CPVL: variants seen among roughly 807,000 people sequenced by gnomAD.
CPVL encodes the protein carboxypeptidase vitellogenic like.
Under a neutral mutation model 63.7 loss-of-function variants are expected in CPVL, and 51 were observed. The observed-to-expected ratio is 0.80, with a 90% CI of 0.64 to 1.01. CPVL has a LOEUF of 1.01. Ranked by LOEUF, CPVL falls within the 50% of genes least tolerant of loss-of-function variation. The pLI is 0.00. For missense variants in CPVL, 530 were observed against 573.1 expected (o/e 0.92, Z 0.77); for synonymous variants, 195 against 206.0 (o/e 0.95, Z 0.46).
At chr7:29,087,930 C>T (rs1422852685) in intron 6 of CPVL, among the ~76,000 whole-genome samples, 1 of 152,170 alleles carries the variant, frequency 6.6e-6, no homozygotes, top group East Asian at 1.9e-4. Flanking sequence ...TTTATAGCTT[C>T]TATGTTTGTG....
In CPVL at chr7:29,066,086, A is replaced by G. The variant is rs1783109880; in HGVS notation, c.900T>C (p.Ser300=). 1.2e-6 allele frequency: 2 copies of G among 1,607,222 alleles called. No individual in the cohort carries two copies. The highest frequency in any genetic ancestry group is 1.7e-5 in the Admixed American group (1 of 59,424). The change falls in exon 10 of 13, where the codon AGT becomes AGC. Residue 300 remains serine (S), a synonymous_variant. Transcript: ENST00000265394. ...TAACATTCTGGAAGTAAGAAGGATC[A>G]CTTGTTAAGTCGCCATCTAGTAGTT... The part of the protein sequence containing the change: ...LDKLLDGDLT[S]DPSYFQNVTG...
intron 11 of CPVL, among the ~76,000 whole-genome samples, chr7:29,053,061 T>G (rs1790364783): frequency 6.6e-6 from 1 of 152,236 alleles, no homozygotes; most frequent in Non-Finnish European, 1.5e-5. Context: ...TAGAAAGATG[T>G]TCATCGTTCA....
At chr7:29,095,204 T>G in intron 4 of CPVL, 62 bp from the exon 5 acceptor site, 2 of 1,394,874 alleles carry the variant, frequency 1.4e-6, no homozygotes, top group Non-Finnish European at 2.0e-6. Context: ...CGAGGCCTCA[T>G]GGTGGTCAGA....
chr7:29,171,781 A>C (rs747046168), intron 5 of CPVL, among the ~76,000 whole-genome samples: 3 of 152,198 alleles, frequency 2.0e-5, no homozygotes, highest in Non-Finnish European at 4.4e-5. Flanking sequence ...CATGCCTATC[A>C]AATCCATCTA....
At chr7:29,157,690 G>A (rs1794600259) in intron 5 of CPVL, among the ~76,000 whole-genome samples, 1 of 152,158 alleles carries the variant, frequency 6.6e-6, no homozygotes, top group Non-Finnish European at 1.5e-5. Context: ...CCCTTCACCA[G>A]TGAAAAGCCA....
intron 9 of CPVL, among the ~76,000 whole-genome samples, chr7:29,069,827 T>C (rs866052303): frequency 2.7e-4 from 36 of 135,486 alleles, no homozygotes; most frequent in Middle Eastern, 3.9e-3. Context: ...TGTGTGTGTG[T>C]GCATGTAAAT....
chr7:29,162,049 A>T (rs777797439), intron 5 of CPVL, among the ~76,000 whole-genome samples: 1 of 152,242 alleles, frequency 6.6e-6, no homozygotes, highest in African/African-American at 2.4e-5. Flanking sequence ...ATGCAGGGAA[A>T]CTGGATCTCT....
At chr7:29,064,259 CAT>C in intron 10 of CPVL, 25 bp from the exon 11 acceptor site, 3 of 1,480,508 alleles carry the variant, frequency 2.0e-6, no homozygotes, top group Non-Finnish European at 2.8e-6. Context: ...ATTGGAAAGA[CAT>C]AGGGAACATG....
chr7:29,052,182 G>C (rs746193255), intron 11 of CPVL, among the ~76,000 whole-genome samples: 5 of 151,486 alleles, frequency 3.3e-5, no homozygotes, highest in African/African-American at 9.7e-5. Flanking sequence ...CTACAAACAG[G>C]GTGTGTTGTG....
Position 29,112,740 on chromosome 7 carries a change from G to A in CPVL, c.252C>T (p.Tyr84=), listed in dbSNP as rs556210551. ...YAGFLTVNKT[Y]NSNLFFWFFP... ...AGAACCAGAAGAAGAGGTTGCTGTT[G>A]TAAGTCTTATTCACGGTGAGGAAGC... The change falls in exon 3 of 13, where the codon TAC becomes TAT. Residue 84 remains tyrosine, a synonymous_variant. Coordinates refer to ENST00000265394, the MANE Select transcript of CPVL (RefSeq NM_031311.5). The A allele has an allele frequency of 3.1e-6, 5 of 1,613,524 alleles. No homozygotes were observed. Among genetic ancestry groups the A allele is most frequent in the South Asian group, 2.2e-5 (2 of 91,042 alleles).
intron 9 of CPVL, 63 bp downstream of exon 9, chr7:29,071,710 C>CGGG: frequency 2.4e-6 from 1 of 422,980 alleles, no homozygotes. Context: ...TTCCTGCTCA[C>CGGG]CCGCCCTCCC....
chr7:29,058,486 G>A (rs1006062770), intron 11 of CPVL, among the ~76,000 whole-genome samples: 1 of 151,880 alleles, frequency 6.6e-6, no homozygotes, highest in Non-Finnish European at 1.5e-5. Flanking sequence ...ATTATCCAAT[G>A]CTCTTCTTCT....
At chr7:29,029,580 T>G (rs1208600574) in intron 12 of CPVL, among the ~76,000 whole-genome samples, 1 of 152,130 alleles carries the variant, frequency 6.6e-6, no homozygotes, top group East Asian at 1.9e-4. Flanking sequence ...ATGTTCTCAC[T>G]CACATGTGGG....
intron 7 of CPVL, among the ~76,000 whole-genome samples, chr7:29,080,096 AG>A (rs1225248969): frequency 6.6e-6 from 1 of 152,148 alleles, no homozygotes; most frequent in Non-Finnish European, 1.5e-5. Flanking sequence ...GACATAGTAC[AG>A]GGAGAGAAGG....
At chr7:29,114,523 G>A (rs866420430) in intron 2 of CPVL, among the ~76,000 whole-genome samples, 2 of 152,072 alleles carry the variant, frequency 1.3e-5, no homozygotes, top group South Asian at 2.1e-4. Flanking sequence ...CCAGCAACTC[G>A]GGAGGCTGAG....
intron 11 of CPVL, among the ~76,000 whole-genome samples, chr7:29,062,057 T>G (rs1230861111): frequency 2.0e-5 from 3 of 152,196 alleles, no homozygotes; most frequent in Non-Finnish European, 4.4e-5. Context: ...TTCCATTCCT[T>G]AACATCACAT....
intron 1 of CPVL, among the ~76,000 whole-genome samples, chr7:29,133,314 TTTATC>T (rs1212079272): frequency 9.8e-5 from 15 of 152,348 alleles, no homozygotes; most frequent in African/African-American, 3.6e-4. Flanking sequence ...AAAATCTGTC[TTTATC>T]TTTATTGACT....
At chr7:29,094,353 T>C (rs1475308733) in intron 5 of CPVL, among the ~76,000 whole-genome samples, 1 of 149,840 alleles carries the variant, frequency 6.7e-6, no homozygotes, top group African/African-American at 2.4e-5. Context: ...AAAATAAAAA[T>C]TAAAAAAAAA....
intron 1 of CPVL, among the ~76,000 whole-genome samples, chr7:29,138,915 T>C (rs186043855): frequency 4.0e-4 from 61 of 152,304 alleles, no homozygotes; most frequent in Admixed American, 1.0e-3. Context: ...CAGAGGCCTC[T>C]TCCCACTTCT....
Sources: gnomAD v4.1 joint callset for allele counts (sites outside exome capture counted in the v4.1 genomes callset) on GRCh38, gnomAD v4.1.1 for gene constraint, MANE v1.5 for transcripts, NCBI Gene and HGNC (gene_info 2026-07-23, HGNC 2026-07-21) for gene names.